Variants in PCCA observed in about 807,000 individuals in gnomAD.
PCCA encodes propionyl-CoA carboxylase subunit alpha.
PCCA carries 74 observed loss-of-function variants against 101.3 expected under a neutral mutation model. That is an observed-to-expected ratio of 0.73 (90% CI 0.61 to 0.89). The LOEUF (loss-of-function observed/expected upper bound fraction) is 0.89, where lower values mean the gene tolerates loss of function less well. Ranked by LOEUF, PCCA falls within the 40% of genes least tolerant of loss-of-function variation. The pLI, the probability that PCCA is intolerant of heterozygous loss-of-function variation, is 0.00. For missense variants in PCCA, 891 were observed against 907.0 expected (o/e 0.98, Z 0.23); for synonymous variants, 294 against 313.6 (o/e 0.94, Z 0.66).
chr13:100,253,495 C>T (rs1174533513), intron 8 of PCCA, among the ~76,000 whole-genome samples: 1 of 152,152 alleles, frequency 6.6e-6, no homozygotes, highest in African/African-American at 2.4e-5. Flanking sequence ...AAGTAAGACG[C>T]ACTGGTAGCT....
At chr13:100,456,354 T>C (rs2081708335) in intron 21 of PCCA, among the ~76,000 whole-genome samples, 1 of 152,226 alleles carries the variant, frequency 6.6e-6, no homozygotes, top group South Asian at 2.1e-4. Flanking sequence ...GTGTGGACTT[T>C]TATGACTCAT....
chr13:100,269,963 G>A (rs536137376), intron 11 of PCCA, among the ~76,000 whole-genome samples: 25 of 152,256 alleles, frequency 1.6e-4, no homozygotes, highest in Non-Finnish European at 2.4e-4. Context: ...GGCTTGACCC[G>A]TAGACTACTT....
intron 16 of PCCA, among the ~76,000 whole-genome samples, chr13:100,326,309 A>C (rs1462244911): frequency 1.3e-5 from 2 of 152,148 alleles, no homozygotes; most frequent in African/African-American, 2.4e-5. Context: ...ACAGAGGATG[A>C]CTTGATGTAG....
rs573907067 is a variant in PCCA at position 100,272,653 on chromosome 13, G to C, written c.915-543G>C. On this transcript the variant is annotated intron_variant, in intron 11 of 23. Coordinates refer to ENST00000376285, the MANE Select transcript of PCCA (RefSeq NM_000282.4). Reference sequence around the variant, plus strand: ...TATAGTATGAGCATTGAAACGAGAAGGGAGAGCATCACCTTGTTCAGCCTT... The same window carrying C: ...TATAGTATGAGCATTGAAACGAGAACGGAGAGCATCACCTTGTTCAGCCTT... Among the ~76,000 whole-genome samples the C allele has an allele frequency of 3.3e-5, 5 of 152,244 alleles. No homozygotes were observed. The South Asian group carries it at 1.0e-3, about 32-fold the overall frequency.
chr13:100,203,715 A>T (rs1217611389), intron 6 of PCCA, among the ~76,000 whole-genome samples: 1 of 152,130 alleles, frequency 6.6e-6, no homozygotes, highest in African/African-American at 2.4e-5. Flanking sequence ...GTTGGATTTT[A>T]CCTTGATATT....
intron 6 of PCCA, among the ~76,000 whole-genome samples, chr13:100,180,274 T>C (rs537191366): frequency 1.1e-4 from 16 of 152,272 alleles, no homozygotes; most frequent in African/African-American, 3.9e-4. Context: ...GAAGTTAAAT[T>C]CTCTTGGGCA....
intron 19 of PCCA, among the ~76,000 whole-genome samples, chr13:100,389,480 A>T (rs145452803): frequency 9.5e-4 from 144 of 152,272 alleles, no homozygotes; most frequent in Middle Eastern, 6.8e-3. Flanking sequence ...ACTGGCGCCT[A>T]CCAAAGGGTG....
intron 19 of PCCA, among the ~76,000 whole-genome samples, chr13:100,396,603 G>T (rs1248618820): frequency 6.6e-6 from 1 of 152,184 alleles, no homozygotes; most frequent in Non-Finnish European, 1.5e-5. Flanking sequence ...CCGAGGCTAG[G>T]CGTTCGAGGT....
At chr13:100,323,915 T>A (rs2068350821) in intron 16 of PCCA, among the ~76,000 whole-genome samples, 1 of 152,224 alleles carries the variant, frequency 6.6e-6, no homozygotes, top group African/African-American at 2.4e-5. Flanking sequence ...GGGATAGACC[T>A]GGTATTTGAA....
intron 8 of PCCA, among the ~76,000 whole-genome samples, chr13:100,244,962 T>TGTGTGC (rs1555392072): frequency 0.013 from 1,827 of 143,292 alleles, 26 homozygotes; most frequent in African/African-American, 0.037. Flanking sequence ...TGTGTGTGTG[T>TGTGTGC]GTGCGCAGTA....
rs1307001668 is a variant in PCCA, at chr13:100,527,243, C to G, written c.2041-432C>G. Reference sequence around the variant, plus strand: ...AATTTTGGAACATTTTTATCACTCTCAAAAGAAACCCTGTACCCTTCAGCA... The same window carrying G: ...AATTTTGGAACATTTTTATCACTCTGAAAAGAAACCCTGTACCCTTCAGCA... On this transcript the variant is annotated intron_variant, in intron 22 of 23. Coordinates refer to ENST00000376285, the MANE Select transcript of PCCA (RefSeq NM_000282.4). 10 of 463,610 alleles carry G rather than the reference C, an allele frequency of 2.2e-5. No individual in the cohort carries two copies. The East Asian group carries it at 6.2e-4, about 29-fold the overall frequency. The allele number at this position is 463,610 out of a possible 1,614,324, so 28.7% of individuals were successfully genotyped here. A position where few individuals can be genotyped will look rare whatever the true frequency, so the allele number is the denominator to read the frequency against.
At chr13:100,118,115 CAAAAAAAAAGAAAAAA>C (rs1566507533) in intron 4 of PCCA, among the ~76,000 whole-genome samples, 1 of 90,446 alleles carries the variant, frequency 1.1e-5, no homozygotes, top group Non-Finnish European at 2.2e-5. Context: ...GACTCCATCT[CAAAAAAAAAGAAAAAA>C]AAAAAAAAAG....
chr13:100,502,196 A>G (rs745806735), intron 21 of PCCA, among the ~76,000 whole-genome samples: 1 of 152,188 alleles, frequency 6.6e-6, no homozygotes, highest in African/African-American at 2.4e-5. Flanking sequence ...TGAGCTTGAT[A>G]AAAGTGAATC....
At chr13:100,217,079 A>G (rs2059563401) in intron 7 of PCCA, among the ~76,000 whole-genome samples, 1 of 151,990 alleles carries the variant, frequency 6.6e-6, no homozygotes, top group Non-Finnish European at 1.5e-5. Flanking sequence ...ATTGCACTCC[A>G]GCCTGGGCAA....
chr13:100,245,998 C>T (rs1416032340), intron 8 of PCCA, among the ~76,000 whole-genome samples: 4 of 152,182 alleles, frequency 2.6e-5, no homozygotes, highest in Non-Finnish European at 5.9e-5. Context: ...ATTTAGAGAG[C>T]TGTGAATATT....
Position 100,301,386 on chromosome 13 carries a change from T to G in PCCA, c.1066-74T>G, listed in dbSNP as rs538840520. The G allele has an allele frequency of 3.0e-4, 466 of 1,550,044 alleles. 1 individual carries two copies. The highest frequency in any genetic ancestry group is 2.6e-3 in the Middle Eastern group (15 of 5,784). ...TAACTTCATTTTACCCAAAAACTTT[T>G]GTGATTTTTCTTGTTTGTTTCTATT... On this transcript the variant is annotated intron_variant, in intron 12 of 23. Transcript: ENST00000376285.
chr13:100,438,132 G>C (rs2080081951), intron 20 of PCCA, among the ~76,000 whole-genome samples: 1 of 151,194 alleles, frequency 6.6e-6, no homozygotes, highest in Non-Finnish European at 1.5e-5. Context: ...GGCAAACCTT[G>C]TTGTTTTAAT....
chr13:100,097,213 C>T (rs369199205), intron 1 of PCCA, among the ~76,000 whole-genome samples: 15 of 152,132 alleles, frequency 9.9e-5, no homozygotes, highest in East Asian at 5.8e-4. Context: ...TCCATGAAGA[C>T]AGAAAGTAGA....
At chr13:100,440,156 TTATATATATATATATATATATATATATA>T (rs398024171) in intron 20 of PCCA, among the ~76,000 whole-genome samples, 1,788 of 92,846 alleles carry the variant, frequency 0.019, 67 homozygotes, top group African/African-American at 0.051. Context: ...GAGTATTAAA[TTATATATATATATATATATATATATATA>T]TATATATATA....
Sources: allele counts gnomAD v4.1 joint callset (sites outside exome capture counted in the v4.1 genomes callset), GRCh38; gene constraint gnomAD v4.1.1; transcripts MANE v1.5; gene names NCBI Gene and HGNC (gene_info 2026-07-23, HGNC 2026-07-21).